The following SV2C variants were observed in gnomAD, a reference collection of about 807,000 sequenced individuals.
SV2C encodes the protein synaptic vesicle glycoprotein 2C, also known as solute carrier family 22 member B3.
In SV2C, 49 loss-of-function variants were observed where a neutral mutation model predicts 79.7. That is an observed-to-expected ratio of 0.61 (90% confidence interval 0.49 to 0.78). SV2C has a LOEUF of 0.78. Among genes scored for constraint, SV2C ranks in the 30% least tolerant of loss-of-function variants. SV2C has a pLI of 0.00. For synonymous variants in SV2C, 334 were observed against 333.2 expected (o/e 1.00, Z -0.03); for missense variants, 833 against 912.9 (o/e 0.91, Z 1.13).
the SV2C span, among the ~76,000 whole-genome samples, chr5:75,893,254 C>T: frequency 1.3e-5 from 2 of 151,958 alleles, no homozygotes; most frequent in African/African-American, 2.4e-5. Flanking sequence ...GCCCTTTGTC[C>T]ACTTTTCAAT....
At chr5:76,034,436 T>A in the SV2C span, among the ~76,000 whole-genome samples, 8 of 152,198 alleles carry the variant, frequency 5.3e-5, no homozygotes, top group African/African-American at 1.7e-4. Context: ...AATACCTAAT[T>A]TATTGAGAAT....
intron 2 of SV2C, among the ~76,000 whole-genome samples, chr5:76,183,124 C>T (rs1166526060): frequency 6.6e-6 from 1 of 150,622 alleles, no homozygotes; most frequent in Non-Finnish European, 1.5e-5. Context: ...GCACCCTCCA[C>T]CTCCCAGGTT....
chr5:76,317,442 A>AAC (rs1554047573), intron 12 of SV2C, among the ~76,000 whole-genome samples: 4 of 147,166 alleles, frequency 2.7e-5, no homozygotes, highest in South Asian at 2.1e-4. Flanking sequence ...CACCCCCCCC[A>AAC]ACACACACAC....
intron 6 of SV2C, among the ~76,000 whole-genome samples, chr5:76,289,727 C>CCTAA (rs1747489136): frequency 6.6e-6 from 1 of 152,212 alleles, no homozygotes; most frequent in South Asian, 2.1e-4. Flanking sequence ...TATTTTCCCT[C>CCTAA]CTAACTCTGG....
At chr5:76,242,303 G>T in intron 4 of SV2C, 2 of 1,450,958 alleles carry the variant, frequency 1.4e-6, no homozygotes, top group Non-Finnish European at 1.9e-6. Context: ...CATGGTGGCG[G>T]CAGCGACGGC....
chr5:75,893,101 T>C, the SV2C span, among the ~76,000 whole-genome samples: 1 of 152,148 alleles, frequency 6.6e-6, no homozygotes, highest in Non-Finnish European at 1.5e-5. Context: ...TTTTTAATTT[T>C]TTAGTGATAG....
chr5:76,002,854 C>T, the SV2C span, among the ~76,000 whole-genome samples: 1 of 138,246 alleles, frequency 7.2e-6, no homozygotes, highest in East Asian at 1.9e-4. Flanking sequence ...CTACCCATTA[C>T]TTCTGTGCGT....
chr5:76,203,903 T>A (rs1204017911), intron 3 of SV2C, among the ~76,000 whole-genome samples: 1 of 152,232 alleles, frequency 6.6e-6, no homozygotes, highest in Non-Finnish European at 1.5e-5. Context: ...AGGAAATTCT[T>A]GTTCTTGATT....
At chr5:76,095,678 G>T (rs916830853) in intron 1 of SV2C, among the ~76,000 whole-genome samples, 2 of 152,032 alleles carry the variant, frequency 1.3e-5, no homozygotes, top group African/African-American at 4.8e-5. Context: ...AAGATTAGTT[G>T]CCTGTGGTTA....
chr5:76,040,591 A>T, the SV2C span, among the ~76,000 whole-genome samples: 2 of 152,194 alleles, frequency 1.3e-5, no homozygotes, highest in African/African-American at 4.8e-5. Flanking sequence ...TCACAGAGGA[A>T]GCAAAAATGG....
At chr5:75,921,873 GTTTA>G in the SV2C span, among the ~76,000 whole-genome samples, 1 of 151,286 alleles carries the variant, frequency 6.6e-6, no homozygotes, top group African/African-American at 2.4e-5. Context: ...TCATCAATTT[GTTTA>G]TTCATTCATT....
chr5:76,114,354 C>G (rs1314947561), intron 1 of SV2C, among the ~76,000 whole-genome samples: 1 of 152,118 alleles, frequency 6.6e-6, no homozygotes, highest in Non-Finnish European at 1.5e-5. Flanking sequence ...CCCTAAGAAC[C>G]TTGCAAAATG....
intron 6 of SV2C, among the ~76,000 whole-genome samples, chr5:76,290,864 C>T (rs148544226): frequency 2.0e-5 from 3 of 152,136 alleles, no homozygotes; most frequent in East Asian, 3.9e-4. Flanking sequence ...TCACTTTAGC[C>T]CAAGCTAAAT....
chr5:76,279,035 T>C (rs974398344), intron 4 of SV2C, among the ~76,000 whole-genome samples: 2 of 152,066 alleles, frequency 1.3e-5, no homozygotes, highest in Non-Finnish European at 2.9e-5. Context: ...AACTTACTGA[T>C]GGATTGAACA....
the SV2C span, among the ~76,000 whole-genome samples, chr5:75,851,420 G>A: frequency 1.3e-5 from 2 of 152,264 alleles, no homozygotes; most frequent in South Asian, 2.1e-4. Flanking sequence ...GGAAATAGCC[G>A]GTGTAGGCAG....
At chr5:76,082,618 C>T (rs1208530086), upstream of SV2C, among the ~76,000 whole-genome samples, 1 of 137,410 alleles carries the variant, frequency 7.3e-6, no homozygotes, top group Non-Finnish European at 1.6e-5. Flanking sequence ...CTCTCTCTCT[C>T]TCTATCTCTC....
chr5:75,891,127 A>G, the SV2C span, among the ~76,000 whole-genome samples: 77 of 152,050 alleles, frequency 5.1e-4, no homozygotes, highest in Non-Finnish European at 2.9e-4. Flanking sequence ...AATTTAGGAA[A>G]TCCTAATTGT....
chr5:75,923,682 A>G, the SV2C span, among the ~76,000 whole-genome samples: 1 of 152,206 alleles, frequency 6.6e-6, no homozygotes, highest in Non-Finnish European at 1.5e-5. Flanking sequence ...GCTAATCATC[A>G]GGGAAATGAA....
At chr5:75,849,374 A>T in the SV2C span, among the ~76,000 whole-genome samples, 1 of 151,968 alleles carries the variant, frequency 6.6e-6, no homozygotes, top group African/African-American at 2.4e-5. Context: ...TACTTACAAT[A>T]GAAAAGGAAC....
Sources: allele counts gnomAD v4.1 joint callset (sites outside exome capture counted in the v4.1 genomes callset), GRCh38; gene constraint gnomAD v4.1.1; transcripts MANE v1.5; gene names NCBI Gene and HGNC (gene_info 2026-07-23, HGNC 2026-07-21).